ADAMTSL1: variants seen among roughly 807,000 people sequenced by gnomAD.
The protein encoded by ADAMTSL1 is ADAMTS-like protein 1.
Under a neutral mutation model 201.8 loss-of-function variants are expected in ADAMTSL1, and 126 were observed. The observed-to-expected ratio is 0.62, with a 90% CI of 0.54 to 0.72. The LOEUF is 0.72. Among genes scored for constraint, ADAMTSL1 ranks in the 30% least tolerant of loss-of-function variants. The probability of loss-of-function intolerance (pLI) is 0.00; values close to 1 mark genes in which losing one functional copy is unlikely to be tolerated. For missense variants in ADAMTSL1, 2,679 were observed against 2,277.8 expected (o/e 1.18, Z -3.59); for synonymous variants, 1,121 against 903.4 (o/e 1.24, Z -4.32).
intron 11 of ADAMTSL1, 104 bp downstream of exon 11, chr9:18,680,620 AGGTG>A: frequency 7.6e-7 from 1 of 1,307,374 alleles, no homozygotes; most frequent in Non-Finnish European, 1.1e-6. Context: ...ACTCTTCTTG[AGGTG>A]TCTAGAAGCC....
chr9:18,863,371 C>T (rs536550563), intron 23 of ADAMTSL1, among the ~76,000 whole-genome samples: 1 of 152,168 alleles, frequency 6.6e-6, no homozygotes, highest in Admixed American at 6.6e-5. Context: ...CCCCTGCCAA[C>T]GGAAACCCAA....
In ADAMTSL1 at chr9:18,294,523, C is replaced by T. The variant is rs75561088; in HGVS notation, c.207+130542C>T. On this transcript the variant is annotated intron_variant, in intron 2 of 29. Coordinates refer to the ADAMTSL1 transcript ENST00000680146. ...CTAATTCATCTGTCCAGGTGGGTTGCCTTTTTCCAGGTTTGCACAGAGGAG... is the reference window on the plus strand; with the variant it reads ...CTAATTCATCTGTCCAGGTGGGTTGTCTTTTTCCAGGTTTGCACAGAGGAG... Among the ~76,000 whole-genome samples the T allele has an allele frequency of 7.5e-3, 1,136 of 152,234 alleles. 12 individuals carry two copies. Among genetic ancestry groups the T allele is most frequent in the African/African-American group, 0.025 (1,058 of 41,550 alleles).
At chr9:18,761,493 G>A (rs1160888528) in intron 16 of ADAMTSL1, among the ~76,000 whole-genome samples, 1 of 151,846 alleles carries the variant, frequency 6.6e-6, no homozygotes, top group Non-Finnish European at 1.5e-5. Flanking sequence ...TATGTATTTT[G>A]CTTATTACAT....
intron 23 of ADAMTSL1, among the ~76,000 whole-genome samples, chr9:18,847,400 C>T (rs1343406418): frequency 6.6e-6 from 1 of 152,122 alleles, no homozygotes; most frequent in Non-Finnish European, 1.5e-5. Context: ...ACAAAACAGA[C>T]AAAAGTCCCT....
At chr9:18,736,399 C>T (rs1818502304) in intron 15 of ADAMTSL1, among the ~76,000 whole-genome samples, 1 of 152,198 alleles carries the variant, frequency 6.6e-6, no homozygotes, top group Non-Finnish European at 1.5e-5. Context: ...AGGCACATCC[C>T]AGGCACACCT....
chr9:18,425,218 T>G (rs1268353615), intron 2 of ADAMTSL1, among the ~76,000 whole-genome samples: 1 of 151,952 alleles, frequency 6.6e-6, no homozygotes, highest in Non-Finnish European at 1.5e-5. Flanking sequence ...CCCTCTCATT[T>G]TATGTTCCAG....
At chr9:18,736,780 A>C (rs1818521289) in intron 15 of ADAMTSL1, among the ~76,000 whole-genome samples, 1 of 152,208 alleles carries the variant, frequency 6.6e-6, no homozygotes, top group South Asian at 2.1e-4. Context: ...ACATTGTTTC[A>C]TCCTCAAATG....
intron 1 of ADAMTSL1, among the ~76,000 whole-genome samples, chr9:18,062,873 A>T (rs937705563): frequency 1.3e-5 from 2 of 151,828 alleles, no homozygotes; most frequent in Non-Finnish European, 1.5e-5. Flanking sequence ...TGCTAACATG[A>T]CCTCCTCCTT....
intron 1 of ADAMTSL1, among the ~76,000 whole-genome samples, chr9:17,933,225 C>T (rs776998347): frequency 5.9e-5 from 9 of 152,122 alleles, no homozygotes; most frequent in African/African-American, 1.9e-4. Context: ...TTTCAGCATT[C>T]TTTAGTCTTC....
At chr9:18,636,517 T>A (rs1827123592) in intron 6 of ADAMTSL1, among the ~76,000 whole-genome samples, 1 of 152,170 alleles carries the variant, frequency 6.6e-6, no homozygotes, top group South Asian at 2.1e-4. Context: ...TAATTAAGCA[T>A]CCCATGTTTT....
intron 23 of ADAMTSL1, among the ~76,000 whole-genome samples, chr9:18,848,643 C>G (rs934182200): frequency 1.3e-5 from 2 of 152,192 alleles, no homozygotes; most frequent in South Asian, 4.1e-4. Context: ...GCACCCCAGC[C>G]TGGAATGATC....
intron 22 of ADAMTSL1, among the ~76,000 whole-genome samples, chr9:18,828,699 G>GTA (rs1317634397): frequency 3.9e-3 from 162 of 41,486 alleles, no homozygotes; most frequent in South Asian, 5.9e-3. Context: ...TATATAAAAT[G>GTA]TGTGTGTGTG....
rs117900272 is a variant in ADAMTSL1 at position 18,816,873 on chromosome 9, A to G, written c.3806-236A>G. Among the ~76,000 whole-genome samples, 702 of 152,198 alleles carry G rather than the reference A, an allele frequency of 4.6e-3. 4 individuals are homozygous for G. The highest frequency in any genetic ancestry group is 7.0e-3 in the Non-Finnish European group (478 of 68,028). ...TAATATATGGTGATCAGATCTGGGC[A>G]ATTAGCATATCCATCATTGCAAACA... On this transcript the variant is annotated intron_variant, in intron 20 of 28. Coordinates refer to ENST00000380548, the MANE Select transcript of ADAMTSL1 (RefSeq NM_001040272.6).
chr9:18,823,673 A>C (rs1016286307), intron 21 of ADAMTSL1, among the ~76,000 whole-genome samples: 8 of 152,170 alleles, frequency 5.3e-5, no homozygotes, highest in African/African-American at 1.9e-4. Context: ...AATGTGAGGG[A>C]AAGAGGATGA....
chr9:18,245,439 C>T lies in ADAMTSL1; in HGVS notation c.207+81458C>T, dbSNP rs556150514. Among the ~76,000 whole-genome samples, 119 of 152,228 alleles carry T rather than the reference C, an allele frequency of 7.8e-4. 3 individuals carry two copies. In the South Asian group the frequency reaches 0.02, roughly 25 times the overall value. ...GTATTTCAAGTGCTCCATAGCTACTCGGGGTTTGTGACTGCCTTACTGGGC... is the reference window on the plus strand; with the variant it reads ...GTATTTCAAGTGCTCCATAGCTACTTGGGGTTTGTGACTGCCTTACTGGGC... On this transcript the variant is annotated intron_variant, in intron 2 of 29. Transcript: ENST00000680146.
chr9:18,480,858 A>G (rs947504018), intron 1 of ADAMTSL1, among the ~76,000 whole-genome samples: 1 of 152,178 alleles, frequency 6.6e-6, no homozygotes, highest in Non-Finnish European at 1.5e-5. Context: ...TTTTTAAAAC[A>G]TAGAATCTGG....
chr9:18,348,906 T>C (rs1206450086), intron 2 of ADAMTSL1, among the ~76,000 whole-genome samples: 3 of 152,216 alleles, frequency 2.0e-5, no homozygotes, highest in African/African-American at 7.2e-5. Context: ...CTACCATTTA[T>C]TGAACGTGTA....
intron 2 of ADAMTSL1, among the ~76,000 whole-genome samples, chr9:18,354,156 T>G (rs1766617449): frequency 6.6e-6 from 1 of 151,144 alleles, no homozygotes; most frequent in Non-Finnish European, 1.5e-5. Flanking sequence ...CCCATACATC[T>G]GTCTCTGGTG....
chr9:18,555,812 A>C (rs746265749), intron 3 of ADAMTSL1, among the ~76,000 whole-genome samples: 1 of 151,988 alleles, frequency 6.6e-6, no homozygotes, highest in African/African-American at 2.4e-5. Context: ...GCCAACATCA[A>C]GTGTGGGCTG....
Sources: allele counts gnomAD v4.1 joint callset (sites outside exome capture counted in the v4.1 genomes callset), GRCh38; gene constraint gnomAD v4.1.1; transcripts MANE v1.5; gene names NCBI Gene and HGNC (gene_info 2026-07-23, HGNC 2026-07-21).